Variants in NEBL observed in about 807,000 individuals in gnomAD.
The protein encoded by NEBL is nebulette.
In NEBL, 122 loss-of-function variants were observed where a neutral mutation model predicts 140.2. The ratio of observed to expected loss-of-function variants is 0.87; its 90% CI spans 0.75 to 1.01. NEBL has a LOEUF of 1.01. Among genes scored for constraint, NEBL ranks in the 50% least tolerant of loss-of-function variants. The pLI, the probability that NEBL is intolerant of heterozygous loss-of-function variation, is 0.00. For synonymous variants in NEBL, 436 were observed against 398.9 expected (o/e 1.09, Z -1.11); for missense variants, 1,365 against 1,231.3 (o/e 1.11, Z -1.62).
chr10:20,882,344 G>A (rs1189899643), intron 4 of NEBL, among the ~76,000 whole-genome samples: 13 of 133,998 alleles, frequency 9.7e-5, no homozygotes. Context: ...AGAGGAAAAG[G>A]AAAAGGGGAA....
At chr10:20,918,129 C>T (rs1301824242) in intron 4 of NEBL, among the ~76,000 whole-genome samples, 1 of 151,416 alleles carries the variant, frequency 6.6e-6, no homozygotes, top group Non-Finnish European at 1.5e-5. Flanking sequence ...GAGGCCAAGG[C>T]GGGCAGATCA....
At chr10:20,871,251 C>T (rs187466308) in intron 5 of NEBL, among the ~76,000 whole-genome samples, 14 of 152,248 alleles carry the variant, frequency 9.2e-5, no homozygotes, top group Non-Finnish European at 1.8e-4. Flanking sequence ...TTTAGGGGTA[C>T]TTATTAAAGA....
chr10:21,086,920 G>C (rs1326482293), intron 2 of NEBL, among the ~76,000 whole-genome samples: 1 of 152,192 alleles, frequency 6.6e-6, no homozygotes, highest in African/African-American at 2.4e-5. Flanking sequence ...CTGCCTGAAA[G>C]ATCTCCCTGC....
upstream of NEBL, chr10:21,174,563 C>T (rs1454590127): frequency 2.2e-5 from 3 of 134,014 alleles, no homozygotes; most frequent in East Asian, 9.3e-4. Flanking sequence ...GTGCGCCCTC[C>T]CTCCTCCTCC....
intron 2 of NEBL, among the ~76,000 whole-genome samples, chr10:21,250,272 C>T (rs1350094601): frequency 6.6e-6 from 1 of 152,068 alleles, no homozygotes; most frequent in African/African-American, 2.4e-5. Context: ...CCAGCTCGGC[C>T]AGGATATAAA....
chr10:21,148,772 C>T (rs1360761160), intron 2 of NEBL, among the ~76,000 whole-genome samples: 2 of 151,984 alleles, frequency 1.3e-5, no homozygotes, highest in African/African-American at 2.4e-5. Flanking sequence ...GTGATGCACC[C>T]GCCTCAGCCT....
At chr10:21,076,615 G>A (rs1836104961) in intron 2 of NEBL, among the ~76,000 whole-genome samples, 1 of 152,078 alleles carries the variant, frequency 6.6e-6, no homozygotes, top group Non-Finnish European at 1.5e-5. Context: ...CAACCCACGT[G>A]TCCATCAATG....
chr10:21,172,661 T>C (rs1429009673), intron 1 of NEBL, among the ~76,000 whole-genome samples: 1 of 152,010 alleles, frequency 6.6e-6, no homozygotes, highest in Non-Finnish European at 1.5e-5. Context: ...CAGGCAGCTC[T>C]GAAAATGGAG....
At chr10:21,001,404 T>C (rs1056797679) in intron 3 of NEBL, among the ~76,000 whole-genome samples, 7 of 152,148 alleles carry the variant, frequency 4.6e-5, no homozygotes. Flanking sequence ...CAGAAAGATT[T>C]TTCCAACTTG....
intron 2 of NEBL, among the ~76,000 whole-genome samples, chr10:21,150,129 G>A (rs1221606623): frequency 2.0e-5 from 3 of 152,096 alleles, no homozygotes; most frequent in Non-Finnish European, 4.4e-5. Flanking sequence ...GACTAAGACT[G>A]AAGTATGAAA....
intron 3 of NEBL, among the ~76,000 whole-genome samples, chr10:21,219,622 T>C (rs1274749345): frequency 6.6e-6 from 1 of 152,210 alleles, no homozygotes; most frequent in African/African-American, 2.4e-5. Flanking sequence ...TGTTTTTTTC[T>C]AATGCTATCA....
At chr10:21,287,177 G>C (rs1843067676) in intron 1 of NEBL, among the ~76,000 whole-genome samples, 1 of 152,128 alleles carries the variant, frequency 6.6e-6, no homozygotes, top group Non-Finnish European at 1.5e-5. Flanking sequence ...CAGGTCAAGG[G>C]AAAGAATCCA....
At chr10:21,290,371 A>C (rs925979728) in intron 1 of NEBL, among the ~76,000 whole-genome samples, 1 of 152,160 alleles carries the variant, frequency 6.6e-6, no homozygotes, top group Non-Finnish European at 1.5e-5. Flanking sequence ...GAATCAATAA[A>C]TTTTCTAACC....
chr10:21,021,358 A>G (rs1564482777), intron 2 of NEBL, among the ~76,000 whole-genome samples: 1 of 152,134 alleles, frequency 6.6e-6, no homozygotes. Flanking sequence ...CCTGAGTAAA[A>G]CCTTTCAACG....
At chr10:21,172,074 T>C in intron 2 of NEBL, 2 of 393,380 alleles carry the variant, frequency 5.1e-6, no homozygotes, top group Non-Finnish European at 9.5e-6. Context: ...TGACATGCAC[T>C]TCAGAGCCCA....
At position 20,914,134 on chromosome 10, in the gene NEBL, G is replaced by C. The variant is rs140007865; in HGVS notation, c.357+47538C>G. On this transcript the variant is annotated intron_variant, in intron 4 of 6. Transcript: ENST00000417816. Reference sequence around the variant, plus strand: ...TGCACTTGAGGAGAGGAAACACACTGGTCATTTGGTGACCAATGAGAATGT... The same window carrying C: ...TGCACTTGAGGAGAGGAAACACACTCGTCATTTGGTGACCAATGAGAATGT... Among the ~76,000 whole-genome samples the C allele has an allele frequency of 4.0e-4, 61 of 152,280 alleles. 1 individual carries two copies. The highest frequency in any genetic ancestry group is 7.2e-4 in the Non-Finnish European group (49 of 68,028).
At chr10:20,887,286 C>G (rs1405570690) in intron 4 of NEBL, among the ~76,000 whole-genome samples, 3 of 152,138 alleles carry the variant, frequency 2.0e-5, no homozygotes, top group African/African-American at 7.2e-5. Flanking sequence ...ATAGTAACTT[C>G]CACCTGATGG....
chr10:21,270,837 T>G (rs571781127), intron 1 of NEBL, among the ~76,000 whole-genome samples: 1 of 152,210 alleles, frequency 6.6e-6, no homozygotes, highest in Admixed American at 6.5e-5. Flanking sequence ...CGTATGGATA[T>G]GTACATTAAA....
intron 3 of NEBL, among the ~76,000 whole-genome samples, chr10:21,226,772 T>G (rs1346629916): frequency 6.6e-6 from 1 of 152,154 alleles, no homozygotes; most frequent in African/African-American, 2.4e-5. Flanking sequence ...TATCAGCAAT[T>G]CAAGACTGTC....
Sources: allele counts gnomAD v4.1 joint callset (sites outside exome capture counted in the v4.1 genomes callset), GRCh38; gene constraint gnomAD v4.1.1; transcripts MANE v1.5; gene names NCBI Gene and HGNC (gene_info 2026-07-23, HGNC 2026-07-21).